The following PLEKHG4B variants were observed in gnomAD, a reference collection of about 807,000 sequenced individuals.
PLEKHG4B encodes the protein pleckstrin homology and RhoGEF domain containing G4B.
A neutral mutation model predicts 121.3 loss-of-function variants in PLEKHG4B; 111 were observed. The observed-to-expected ratio is 0.92, with a 90% CI of 0.78 to 1.07. PLEKHG4B has a LOEUF of 1.07. Among genes scored for constraint, PLEKHG4B ranks in the 50% least tolerant of loss-of-function variants. The pLI is 0.00. For missense variants in PLEKHG4B, 1,831 were observed against 1,757.8 expected, an observed-to-expected ratio of 1.04 and a Z score of -0.74; for synonymous variants, 738 against 725.0, an observed-to-expected ratio of 1.02 and a Z score of -0.29.
At chr5:142,132 G>C (rs1735227548) in intron 3 of PLEKHG4B, among the ~76,000 whole-genome samples, 1 of 152,176 alleles carries the variant, frequency 6.6e-6, no homozygotes, top group Admixed American at 6.5e-5. Flanking sequence ...TACTCACTTG[G>C]GGGCAACACT....
chr5:145,162 G>A (rs1221408117), intron 6 of PLEKHG4B, among the ~76,000 whole-genome samples: 1 of 152,214 alleles, frequency 6.6e-6, no homozygotes, highest in Non-Finnish European at 1.5e-5. Context: ...CTGGGGACTT[G>A]GGGAAGCTTC....
chr5:173,427 A>G (rs143785158), intron 17 of PLEKHG4B, among the ~76,000 whole-genome samples: 1 of 152,124 alleles, frequency 6.6e-6, no homozygotes, highest in East Asian at 1.9e-4. Context: ...CACGTTGGGC[A>G]GGTTCCCACT....
rs1464674640 is a variant in PLEKHG4B at position 157,789 on chromosome 5, C to G, written c.2487+878C>G. ...ATATAAATCCTTATTATTTTATCAACAACTATTGCTGCGATGAATGTGCGG... is the reference window on the plus strand; with the variant it reads ...ATATAAATCCTTATTATTTTATCAAGAACTATTGCTGCGATGAATGTGCGG... On this transcript the variant is annotated intron_variant, in intron 11 of 19. Coordinates refer to ENST00000637938, the MANE Select transcript of PLEKHG4B (RefSeq NM_052909.5). This position sits in a 1 kb window ranked among gnomAD's most constrained non-coding sequence, Gnocchi z 4.6. 2.0e-5 allele frequency among the ~76,000 whole-genome samples: 3 copies of G among 152,160 alleles called. No homozygotes were observed. The highest frequency in any genetic ancestry group is 4.4e-5 in the Non-Finnish European group (3 of 68,022).
chr5:107,175 G>C (rs1733998856), intron 1 of PLEKHG4B, among the ~76,000 whole-genome samples: 1 of 152,174 alleles, frequency 6.6e-6, no homozygotes, highest in Non-Finnish European at 1.5e-5. Context: ...ATCTCTGCCT[G>C]CTGGAGGAGG....
chr5:179,633 C>T (rs577017821), intron 18 of PLEKHG4B: 1 of 152,838 alleles, frequency 6.5e-6, no homozygotes, highest in East Asian at 1.9e-4. Flanking sequence ...CCCAGGCCAG[C>T]TATGCTCTGA....
At chr5:118,938 C>A (rs1250017106) in intron 2 of PLEKHG4B, among the ~76,000 whole-genome samples, 1 of 151,856 alleles carries the variant, frequency 6.6e-6, no homozygotes, top group Admixed American at 6.6e-5. Flanking sequence ...ACAGCCTTGA[C>A]CTCCTGGGCT....
chr5:155,193 C>A, intron 8 of PLEKHG4B, 152 bp from the exon 9 acceptor site: 1 of 830,742 alleles, frequency 1.2e-6, no homozygotes, highest in African/African-American at 1.7e-5. Context: ...GCACTGCCGC[C>A]CCGGAAGTGT....
chr5:109,663 C>T (rs1222157275), intron 1 of PLEKHG4B, among the ~76,000 whole-genome samples: 1 of 152,154 alleles, frequency 6.6e-6, no homozygotes, highest in African/African-American at 2.4e-5. Context: ...AAAATGTTAC[C>T]CTCGTTTCAA....
Position 151,545 on chromosome 5 carries a change from G to T in PLEKHG4B, c.1938G>T (p.Leu646Phe), listed in dbSNP as rs533430678. The T allele has an allele frequency of 6.3e-7, 1 of 1,586,638 alleles. No homozygotes were observed. The highest frequency in any genetic ancestry group is 1.1e-5 in the South Asian group (1 of 89,890). Residue 646 changes from leucine to phenylalanine, a missense_variant, in exon 7 of 20, where the codon TTG (leucine) becomes TTT (phenylalanine). By Grantham distance (22) the Leu-to-Phe change is conservative (BLOSUM62 0). Coordinates refer to ENST00000637938, the MANE Select transcript of PLEKHG4B (RefSeq NM_052909.5). The part of the protein sequence containing the change: ...NNTSPIIHSI[L>F]LLVDKESAFR... ...CATCTCCTATAATTCATAGTATCTT[G>T]CTGTTGGTAGATAAAGAATCTGCAT...
chr5:148,127 A>G (rs1735485196), intron 6 of PLEKHG4B, among the ~76,000 whole-genome samples: 3 of 152,172 alleles, frequency 2.0e-5, no homozygotes, highest in African/African-American at 2.4e-5. Flanking sequence ...TATCATACTC[A>G]ATGGCAAAAA....
At chr5:153,177 T>C (rs1021934163) in intron 7 of PLEKHG4B, among the ~76,000 whole-genome samples, 16 of 152,246 alleles carry the variant, frequency 1.1e-4, no homozygotes, top group African/African-American at 3.9e-4. Flanking sequence ...TCCTCTCCTT[T>C]CATAAATTGC....
chr5:103,018 C>G (rs1423869768), intron 1 of PLEKHG4B, among the ~76,000 whole-genome samples: 1 of 152,166 alleles, frequency 6.6e-6, no homozygotes, highest in African/African-American at 2.4e-5. Flanking sequence ...GAAGTTTGCA[C>G]CCCTCCATTG....
intron 11 of PLEKHG4B, among the ~76,000 whole-genome samples, chr5:158,828 TCTC>T (rs1735893112): frequency 6.6e-6 from 1 of 152,340 alleles, no homozygotes; most frequent in East Asian, 1.9e-4. Flanking sequence ...CATCCTGTGG[TCTC>T]CTATTTCCTG....
rs903621924 is a variant in PLEKHG4B, at chr5:159,607, A to G, written c.2488-2176A>G. ...CATACTAATCATGATGAGTCTGCAC[A>G]GTCTGTGGCTTCTGTGGGTTTGTTC... On this transcript the variant is annotated intron_variant, in intron 11 of 19. Transcript: ENST00000637938. This position sits in a 1 kb window ranked among gnomAD's most constrained non-coding sequence, Gnocchi z 5.5. Among the ~76,000 whole-genome samples the G allele has an allele frequency of 1.3e-5, 2 of 152,138 alleles. No homozygotes were observed. The highest frequency in any genetic ancestry group is 6.5e-5 in the Admixed American group (1 of 15,288).
chr5:171,029 C>T lies in PLEKHG4B; in HGVS notation c.3730-14C>T. The stretch of plus-strand genomic sequence containing the variant: ...GTCACTCCCACAGCCAAGCAGTCGC[C>T]TCTGCTTTTCCAGGAAGAGCAGTTT... On this transcript the variant is annotated splice_polypyrimidine_tract_variant and intron_variant, in intron 14 of 19. Coordinates refer to ENST00000637938, the MANE Select transcript of PLEKHG4B (RefSeq NM_052909.5). 1 of 1,601,642 alleles carries T rather than the reference C, an allele frequency of 6.2e-7. No homozygotes were observed. Among genetic ancestry groups the T allele is most frequent in the Middle Eastern group, 1.9e-4 (1 of 5,308 alleles).
At chr5:119,723 C>G (rs984934396) in intron 2 of PLEKHG4B, among the ~76,000 whole-genome samples, 1 of 152,104 alleles carries the variant, frequency 6.6e-6, no homozygotes, top group Non-Finnish European at 1.5e-5. Context: ...GTCACTGAGG[C>G]TGGAGGAGGA....
At chr5:107,886 G>T (rs927833024) in intron 1 of PLEKHG4B, among the ~76,000 whole-genome samples, 2 of 152,224 alleles carry the variant, frequency 1.3e-5, no homozygotes, top group Non-Finnish European at 2.9e-5. Context: ...TTGGGTCCAG[G>T]TGTGCCAGGT....
intron 1 of PLEKHG4B, among the ~76,000 whole-genome samples, chr5:112,261 G>A (rs1299568333): frequency 6.6e-6 from 1 of 152,170 alleles, no homozygotes; most frequent in Non-Finnish European, 1.5e-5. Flanking sequence ...GCTGAGCTCT[G>A]CTGCAGGTAC....
chr5:172,328 G>C (rs1736585113), intron 16 of PLEKHG4B, among the ~76,000 whole-genome samples: 1 of 152,320 alleles, frequency 6.6e-6, no homozygotes, highest in African/African-American at 2.4e-5. Context: ...ATTCCACTAG[G>C]GGAGGGACAG....
Sources: allele counts gnomAD v4.1 joint callset (sites outside exome capture counted in the v4.1 genomes callset), GRCh38; gene constraint gnomAD v4.1.1; non-coding constraint Gnocchi (gnomAD v3.1); transcripts MANE v1.5; gene names NCBI Gene and HGNC (gene_info 2026-07-23, HGNC 2026-07-21).